TMEM245: variants seen among roughly 807,000 people sequenced by gnomAD.
TMEM245 encodes protein CG-2.
TMEM245 carries 69 observed loss-of-function variants against 101.2 expected under a neutral mutation model. The ratio of observed to expected loss-of-function variants is 0.68; its 90% CI spans 0.56 to 0.83. The LOEUF (loss-of-function observed/expected upper bound fraction) is 0.83. TMEM245 is among the 40% of genes least tolerant of loss of function. The pLI is 0.00. For missense variants in TMEM245, 1,075 were observed against 1,092.8 expected (o/e 0.98, Z 0.23); for synonymous variants, 537 against 449.8 (o/e 1.19, Z -2.45).
intron 11 of TMEM245, among the ~76,000 whole-genome samples, chr9:109,057,548 T>G (rs1421279157): frequency 1.3e-5 from 2 of 152,124 alleles, no homozygotes; most frequent in African/African-American, 4.8e-5. Flanking sequence ...GTCAGGAGTT[T>G]GAGACCACCC....
At chr9:109,083,920 A>AAAAAAAACAAAC (rs1829754756) in intron 7 of TMEM245, among the ~76,000 whole-genome samples, 1 of 144,122 alleles carries the variant, frequency 6.9e-6, no homozygotes, top group Admixed American at 7.0e-5. Flanking sequence ...AAAAAAAAAA[A>AAAAAAAACAAAC]AAAAAAAAAC....
chr9:109,090,868 G>A, intron 5 of TMEM245, 54 bp downstream of exon 5: 1 of 1,526,492 alleles, frequency 6.6e-7, no homozygotes, highest in Non-Finnish European at 8.9e-7. Context: ...AGTAAAAAAA[G>A]AAAAAAATCA....
At chr9:109,047,160 T>G (rs980822881) in intron 14 of TMEM245, among the ~76,000 whole-genome samples, 1 of 152,194 alleles carries the variant, frequency 6.6e-6, no homozygotes, top group Non-Finnish European at 1.5e-5. Flanking sequence ...TAGATTATAG[T>G]TCTGGTACCA....
In TMEM245 at chr9:109,090,854, C is replaced by T. The variant is rs1829979897; in HGVS notation, c.1150+68G>A. 2.1e-6 allele frequency: 3 copies of T among 1,453,130 alleles called. No homozygotes were observed. The East Asian group carries it at 7.0e-5, about 34-fold the overall frequency. 90.0% of individuals were successfully genotyped at this position (1,453,130 alleles called of 1,614,324 possible). A position where few individuals can be genotyped will look rare whatever the true frequency, so the allele number is the denominator to read the frequency against. ...TAAATGTATCTCAAATATTAAAATC[C>T]AAAAGTAAAAAAAGAAAAAAATCAA... On this transcript the variant is annotated intron_variant, in intron 5 of 17. Transcript: ENST00000374586.
Position 109,093,487 on chromosome 9 carries a change from T to C in TMEM245, c.904A>G (p.Thr302Ala). Residue 302 changes from threonine (T) to alanine (A), a missense_variant, in exon 4 of 18, where the codon ACT becomes GCT. This residue lies in a region of TMEM245 where 808 missense variants were observed against 741.5 expected (regional missense o/e 1.09). Transcript: ENST00000374586. ...YESSSEDQPS[T>A]QPAEAVDRGE... The stretch of plus-strand genomic sequence containing the variant: ...GAACATCAGTCACCTGCAGGCTGAG[T>C]GGAGGGCTGGTCTTCACTGCTTGAT... The C allele has an allele frequency of 6.2e-7, 1 of 1,613,322 alleles. No homozygotes were observed. The highest frequency in any genetic ancestry group is 1.1e-5 in the South Asian group (1 of 90,828).
At chr9:109,100,792 G>C (rs1830264461) in intron 3 of TMEM245, among the ~76,000 whole-genome samples, 1 of 152,160 alleles carries the variant, frequency 6.6e-6, no homozygotes, top group Admixed American at 6.5e-5. Context: ...GTTCTGTTTT[G>C]TTTGCTTGTG....
intron 3 of TMEM245, among the ~76,000 whole-genome samples, chr9:109,100,724 A>G (rs1830262546): frequency 6.6e-6 from 1 of 152,192 alleles, no homozygotes; most frequent in African/African-American, 2.4e-5. Context: ...TAATCTCTAG[A>G]AGTATCTTCA....
chr9:109,119,661 G>A lies in TMEM245; in HGVS notation c.253C>T (p.Leu85Phe), dbSNP rs1253092360. The A allele has an allele frequency of 6.4e-6, 10 of 1,556,094 alleles. No individual in the cohort carries two copies. The highest frequency in any genetic ancestry group is 8.7e-6 in the Non-Finnish European group (10 of 1,152,694). Residue 85 changes from leucine (L) to phenylalanine (F), a missense_variant, in exon 1 of 18, where the codon CTC becomes TTC. Physicochemically the swap from Leu to Phe is conservative, Grantham distance 22. Around this residue, in one of 2 missense-constraint regions of TMEM245, gnomAD observed 808 missense variants for 741.5 expected, o/e 1.09. Transcript: ENST00000374586. ...AAAGTGCCGCATAGCACGGCCCAGAGCAGCGGCCGCAGGAAGGCCTCCAGG... is the reference window on the plus strand; with the variant it reads ...AAAGTGCCGCATAGCACGGCCCAGAACAGCGGCCGCAGGAAGGCCTCCAGG... ...FILEAFLRPL[L>F]WAVLCGTFLH...
At chr9:109,107,107 G>T (rs1830448354) in intron 2 of TMEM245, among the ~76,000 whole-genome samples, 1 of 152,080 alleles carries the variant, frequency 6.6e-6, no homozygotes, top group Admixed American at 6.6e-5. Context: ...TTACAAGTTG[G>T]CTGGGCGCAG....
chr9:109,066,024 A>G (rs758415406), intron 9 of TMEM245, among the ~76,000 whole-genome samples: 4 of 152,262 alleles, frequency 2.6e-5, no homozygotes, highest in Admixed American at 6.5e-5. Context: ...AGAAAAAAAT[A>G]AGAGATCTTT....
At chr9:109,102,014 G>GA (rs74863037) in intron 3 of TMEM245, among the ~76,000 whole-genome samples, 33,656 of 152,108 alleles carry the variant, frequency 0.22, 4,545 homozygotes, top group Admixed American at 0.3. Flanking sequence ...GTCAAAAGGG[G>GA]AAACCATTCT....
At chr9:109,056,760 G>A (rs1469476094) in intron 12 of TMEM245, among the ~76,000 whole-genome samples, 1 of 152,212 alleles carries the variant, frequency 6.6e-6, no homozygotes, top group Non-Finnish European at 1.5e-5. Context: ...GGTATGGAAT[G>A]AGGAGGAGCA....
rs879146548 is a variant in TMEM245 at position 109,057,388 on chromosome 9, TCA to T, written c.1723-68_1723-67del. ...ATCTAAAGAACAGAAAGTATAAATG[TCA>T]CATTTTGCTTCAGGTCCCCTTCATC... On this transcript the variant is annotated intron_variant, in intron 11 of 17. Transcript: ENST00000374586. The T allele has an allele frequency of 1.8e-5, 28 of 1,556,926 alleles. No individual in the cohort carries two copies. The South Asian group carries it at 2.0e-4, about 11-fold the overall frequency.
intron 1 of TMEM245, among the ~76,000 whole-genome samples, chr9:109,112,053 A>C (rs1272356013): frequency 1.3e-5 from 2 of 152,194 alleles, no homozygotes; most frequent in Admixed American, 1.3e-4. Context: ...ATATTAGTTC[A>C]AGAGGTAAGG....
chr9:109,087,240 C>G lies in TMEM245; in HGVS notation c.1253G>C (p.Arg418Pro). 1 of 1,613,858 alleles carries G rather than the reference C, an allele frequency of 6.2e-7. No homozygotes were observed. The highest frequency in any genetic ancestry group is 8.5e-7 in the Non-Finnish European group (1 of 1,179,892). Reference sequence around the variant, plus strand: ...GGGCCAAGGCGCGAGAGCTCCCTGCCGCTCCTTCAGGAAGCTTTCTATAAT... The same window carrying G: ...GGGCCAAGGCGCGAGAGCTCCCTGCGGCTCCTTCAGGAAGCTTTCTATAAT... The part of the protein sequence containing the change: ...WGIIESFLKE[R>P]QGALAPWPIV... The change falls in exon 6 of 18, where the codon CGG becomes CCG. Residue 418 changes from arginine to proline, a missense_variant. Physicochemically the swap from Arg to Pro is moderately radical, Grantham distance 103. Around this residue, in one of 2 missense-constraint regions of TMEM245, gnomAD observed 808 missense variants for 741.5 expected, o/e 1.09. Transcript: ENST00000374586.
At chr9:109,106,949 T>TTAGAC (rs1830443417) in intron 2 of TMEM245, among the ~76,000 whole-genome samples, 1 of 152,132 alleles carries the variant, frequency 6.6e-6, no homozygotes, top group Admixed American at 6.5e-5. Context: ...ATGACCAGAA[T>TTAGAC]TAGGCATAGA....
intron 3 of TMEM245, among the ~76,000 whole-genome samples, chr9:109,099,645 TAAGAGTATTTTTA>T (rs1320381992): frequency 6.6e-6 from 1 of 152,088 alleles, no homozygotes; most frequent in African/African-American, 2.4e-5. Context: ...TAAAAAAAAC[TAAGAGTATTTTTA>T]AAGAGTCTAA....
intron 7 of TMEM245, among the ~76,000 whole-genome samples, chr9:109,081,433 C>T (rs1829663783): frequency 1.3e-5 from 2 of 152,034 alleles, no homozygotes; most frequent in South Asian, 4.1e-4. Flanking sequence ...AGAGGAGTTG[C>T]ATTCAAAATA....
intron 17 of TMEM245, among the ~76,000 whole-genome samples, chr9:109,029,039 A>T (rs1339640166): frequency 1.3e-5 from 2 of 152,208 alleles, no homozygotes; most frequent in African/African-American, 4.8e-5. Flanking sequence ...CCTGTACGCT[A>T]AAAAGGTACA....
Sources: allele counts gnomAD v4.1 joint callset (sites outside exome capture counted in the v4.1 genomes callset), GRCh38; gene constraint gnomAD v4.1.1; regional missense constraint gnomAD v4.1.1; transcripts MANE v1.5; gene names NCBI Gene and HGNC (gene_info 2026-07-23, HGNC 2026-07-21).